Variants in CAB39L observed in about 807,000 individuals in gnomAD.
CAB39L encodes calcium-binding protein 39-like.
In CAB39L, 23 loss-of-function variants were observed where a neutral mutation model predicts 39.1. That is an observed-to-expected ratio of 0.59 (90% CI 0.42 to 0.83). CAB39L has a LOEUF of 0.83. Ranked by LOEUF, CAB39L falls within the 40% of genes least tolerant of loss-of-function variation. The pLI is 0.00. For missense variants in CAB39L, 366 were observed against 391.9 expected (o/e 0.93, Z 0.56); for synonymous variants, 126 against 137.2 (o/e 0.92, Z 0.57).
At chr13:49,323,108 C>G (rs1954399662) in intron 10 of CAB39L, among the ~76,000 whole-genome samples, 1 of 152,194 alleles carries the variant, frequency 6.6e-6, no homozygotes, top group Admixed American at 6.5e-5. Context: ...CTATACCCTC[C>G]TCCAGGTAAG....
At chr13:49,355,331 G>C (rs1372858907) in intron 6 of CAB39L, among the ~76,000 whole-genome samples, 2 of 152,070 alleles carry the variant, frequency 1.3e-5, no homozygotes, top group Non-Finnish European at 2.9e-5. Context: ...ATAGTGAGCT[G>C]TGATCACAGC....
At chr13:49,423,765 G>C (rs1957206389) in intron 3 of CAB39L, among the ~76,000 whole-genome samples, 1 of 152,100 alleles carries the variant, frequency 6.6e-6, no homozygotes, top group Non-Finnish European at 1.5e-5. Flanking sequence ...ACAACACATG[G>C]AGAACACAAA....
chr13:49,414,625 T>C (rs756074514), intron 3 of CAB39L, among the ~76,000 whole-genome samples: 5 of 152,158 alleles, frequency 3.3e-5, no homozygotes, highest in African/African-American at 7.2e-5. Context: ...GAAATAGGAC[T>C]AATACTTCAA....
At chr13:49,406,333 ATTTTT>A (rs34078174) in intron 3 of CAB39L, among the ~76,000 whole-genome samples, 17 of 90,612 alleles carry the variant, frequency 1.9e-4, no homozygotes, top group African/African-American at 6.9e-4. Context: ...ATGCCCAGCT[ATTTTT>A]TTTTTTTTTT....
intron 8 of CAB39L, among the ~76,000 whole-genome samples, chr13:49,342,015 AGGACAACT>A (rs1454374757): frequency 2.0e-5 from 3 of 152,206 alleles, no homozygotes; most frequent in Non-Finnish European, 4.4e-5. Flanking sequence ...CTTAAATTGA[AGGACAACT>A]GGCAAAAATA....
Position 49,358,122 on chromosome 13 carries a change from C to T in CAB39L, c.395+1592G>A, listed in dbSNP as rs188361890. Among the ~76,000 whole-genome samples the T allele has an allele frequency of 4.1e-4, 63 of 152,278 alleles. 1 individual carries two copies. The East Asian group carries it at 0.01, about 25-fold the overall frequency. ...CTTATCTTGTTGTGGAGCCAATTCACTTTGGGGTCTATGTGTTATAGAAGC... is the reference window on the plus strand; with the variant it reads ...CTTATCTTGTTGTGGAGCCAATTCATTTTGGGGTCTATGTGTTATAGAAGC... On this transcript the variant is annotated intron_variant, in intron 6 of 10. Transcript: ENST00000409308.
chr13:49,430,855 G>T (rs1356376661), intron 3 of CAB39L, among the ~76,000 whole-genome samples: 1 of 152,070 alleles, frequency 6.6e-6, no homozygotes, highest in Non-Finnish European at 1.5e-5. Context: ...TGTCATACCT[G>T]TTCTCTTCCT....
intron 10 of CAB39L, among the ~76,000 whole-genome samples, chr13:49,319,602 T>A (rs1028804720): frequency 6.6e-6 from 1 of 151,572 alleles, no homozygotes; most frequent in African/African-American, 2.4e-5. Context: ...TTTTATGTTA[T>A]GTGAATTTTA....
chr13:49,442,300 T>C (rs866653013), intron 1 of CAB39L, among the ~76,000 whole-genome samples: 2 of 152,358 alleles, frequency 1.3e-5, no homozygotes, highest in South Asian at 2.1e-4. Context: ...TACCATTAGA[T>C]ATTTGTTATT....
intron 1 of CAB39L, among the ~76,000 whole-genome samples, chr13:49,437,206 G>A (rs572544305): frequency 6.6e-6 from 1 of 152,314 alleles, no homozygotes; most frequent in African/African-American, 2.4e-5. Context: ...GCAGAAGCAA[G>A]GAATTTAGAT....
chr13:49,327,959 C>T (rs1195851460), intron 10 of CAB39L, among the ~76,000 whole-genome samples: 1 of 152,172 alleles, frequency 6.6e-6, no homozygotes, highest in Non-Finnish European at 1.5e-5. Flanking sequence ...ATAAGGCAAA[C>T]AATTTTTCCA....
chr13:49,351,798 T>A (rs978666042), intron 6 of CAB39L, among the ~76,000 whole-genome samples: 2 of 152,150 alleles, frequency 1.3e-5, no homozygotes, highest in South Asian at 4.1e-4. Context: ...GACTTGCTGA[T>A]GATGTAGCTG....
At chr13:49,402,976 A>G (rs1285249698) in intron 3 of CAB39L, among the ~76,000 whole-genome samples, 1 of 152,168 alleles carries the variant, frequency 6.6e-6, no homozygotes, top group Middle Eastern at 3.2e-3. Flanking sequence ...TTATACTCCG[A>G]GAGTTGTAGT....
At chr13:49,326,817 T>C (rs1954516259) in intron 10 of CAB39L, among the ~76,000 whole-genome samples, 1 of 152,258 alleles carries the variant, frequency 6.6e-6, no homozygotes, top group East Asian at 1.9e-4. Context: ...TGGAAATAGG[T>C]TATTTTTATT....
At chr13:49,326,926 T>C (rs999759040) in intron 10 of CAB39L, among the ~76,000 whole-genome samples, 4 of 152,232 alleles carry the variant, frequency 2.6e-5, no homozygotes, top group South Asian at 4.1e-4. Context: ...CTGAATGATA[T>C]GATACACAGC....
intron 3 of CAB39L, among the ~76,000 whole-genome samples, chr13:49,384,569 T>C (rs1276819733): frequency 6.6e-6 from 1 of 152,220 alleles, no homozygotes; most frequent in African/African-American, 2.4e-5. Context: ...TATCTATGGC[T>C]GCTTGCATCT....
chr13:49,339,874 A>T, intron 8 of CAB39L, 132 bp from the exon 9 acceptor site: 1 of 1,103,652 alleles, frequency 9.1e-7, no homozygotes. Flanking sequence ...ACATGTGAAG[A>T]CACTGGGGGA....
At chr13:49,438,378 C>T (rs1248406405) in intron 1 of CAB39L, among the ~76,000 whole-genome samples, 1 of 152,084 alleles carries the variant, frequency 6.6e-6, no homozygotes, top group Non-Finnish European at 1.5e-5. Context: ...AATCTTGATG[C>T]TACACACAAA....
chr13:49,411,160 G>T (rs952707188), intron 3 of CAB39L, among the ~76,000 whole-genome samples: 13 of 152,000 alleles, frequency 8.6e-5, no homozygotes, highest in African/African-American at 3.1e-4. Context: ...TGTAATCCCA[G>T]CACTTTGGGA....
Sources: allele counts gnomAD v4.1 joint callset (sites outside exome capture counted in the v4.1 genomes callset), GRCh38; gene constraint gnomAD v4.1.1; transcripts MANE v1.5; gene names NCBI Gene and HGNC (gene_info 2026-07-23, HGNC 2026-07-21).